Variants in LRRC3C observed in about 807,000 individuals in gnomAD.
LRRC3C encodes leucine rich repeat containing 3C.
A neutral mutation model predicts 14.8 loss-of-function variants in LRRC3C; 11 were observed. The ratio of observed to expected loss-of-function variants is 0.74; its 90% CI spans 0.47 to 1.23. LRRC3C has a LOEUF of 1.23. Ranked by LOEUF, LRRC3C falls within the 50% of genes most tolerant of loss-of-function variation. The pLI is 0.00. For synonymous variants in LRRC3C, 149 were observed against 161.5 expected (o/e 0.92, Z 0.59); for missense variants, 354 against 361.8 (o/e 0.98, Z 0.18).
chr17:39,940,124 T>G (rs2045058946), intron 2 of LRRC3C, among the ~76,000 whole-genome samples: 1 of 152,208 alleles, frequency 6.6e-6, no homozygotes, highest in Admixed American at 6.5e-5. Flanking sequence ...CCTGCCTAAG[T>G]GTAGAAAGTT....
At chr17:39,930,396 T>TAAAAA in intron 1 of LRRC3C, among the ~76,000 whole-genome samples, 1 of 48,590 alleles carries the variant, frequency 2.1e-5, no homozygotes, top group Non-Finnish European at 4.2e-5. Flanking sequence ...AAACTGACTT[T>TAAAAA]AAAAAAAAAA....
chr17:39,941,405 AC>A lies in LRRC3C; in HGVS notation c.-81-31del, dbSNP rs757225236. 44 of 504,370 alleles carry A rather than the reference AC, an allele frequency of 8.7e-5. No homozygotes were observed. In the East Asian group the frequency reaches 1.4e-3, roughly 16 times the overall value. 31.2% of individuals were successfully genotyped at this position (504,370 alleles called of 1,614,324 possible). On this transcript the variant is annotated intron_variant, in intron 2 of 3. Coordinates refer to ENST00000377924, the MANE Select transcript of LRRC3C (RefSeq NM_001195545.2). ...TCTTAACAGGTTTTTGAAACAAGGG[AC>A]CCCCCCACACACACCCCATTTTTAT... is the stretch of plus-strand genomic sequence containing the variant.
intron 1 of LRRC3C, among the ~76,000 whole-genome samples, chr17:39,928,556 G>A (rs1978554227): frequency 1.3e-5 from 2 of 152,206 alleles, no homozygotes; most frequent in African/African-American, 4.8e-5. Flanking sequence ...GGCTCTTGAG[G>A]TCTCCTCGGT....
In LRRC3C at chr17:39,944,126, C is replaced by G. The variant is rs1330176533; in HGVS notation, c.220C>G (p.Pro74Ala). ...RCSQAGLSAV[P>A]SGIPNDTRKL... ...CAGCCAGGCAGGCCTCAGTGCTGTG[C>G]CCTCCGGCATCCCCAATGACACCCG... The change falls in exon 4 of 4, where the codon CCC (proline) becomes GCC (alanine). Residue 74 changes from proline (P) to alanine (A), a missense_variant. By Grantham distance (27) the Pro-to-Ala change is conservative. Coordinates refer to ENST00000377924, the MANE Select transcript of LRRC3C (RefSeq NM_001195545.2). 1 of 1,536,086 alleles carries G rather than the reference C, an allele frequency of 6.5e-7. No individual in the cohort carries two copies. Among genetic ancestry groups the G allele is most frequent in the African/African-American group, 1.4e-5 (1 of 73,046 alleles).
intron 1 of LRRC3C, among the ~76,000 whole-genome samples, chr17:39,931,745 G>A (rs540762991): frequency 5.8e-4 from 64 of 109,412 alleles, no homozygotes; most frequent in African/African-American, 2.1e-3. Flanking sequence ...CGCCTCCCTA[G>A]TTCAAGAGAT....
chr17:39,937,497 G>A (rs1351291051), intron 2 of LRRC3C, among the ~76,000 whole-genome samples: 2 of 151,040 alleles, frequency 1.3e-5, no homozygotes, highest in African/African-American at 2.4e-5. Context: ...CATAAGCCAC[G>A]GAATCAAGTC....
At chr17:39,941,399 C>G in intron 2 of LRRC3C, 44 bp from the exon 3 acceptor site, 2 of 394,066 alleles carry the variant, frequency 5.1e-6, no homozygotes, top group South Asian at 4.7e-5. Context: ...GTTTTTGAAA[C>G]AAGGGACCCC....
At position 39,942,028 on chromosome 17, in the gene LRRC3C, T is replaced by C. The variant is rs537594825; in HGVS notation, c.26+479T>C. 3.9e-5 allele frequency among the ~76,000 whole-genome samples: 6 copies of C among 152,258 alleles called. No individual in the cohort carries two copies. The East Asian group carries it at 1.2e-3, about 29-fold the overall frequency. On this transcript the variant is annotated intron_variant, in intron 3 of 3. Transcript: ENST00000377924. ...AGCCACCATGGGCTAAGGAATGAGA[T>C]GGGTCATCCACATGGATCACATCTA...
At chr17:39,929,960 TGA>T (rs1480359614) in intron 1 of LRRC3C, among the ~76,000 whole-genome samples, 1 of 152,006 alleles carries the variant, frequency 6.6e-6, no homozygotes, top group Non-Finnish European at 1.5e-5. Context: ...AAGTCTAGAA[TGA>T]AGAAAATTAG....
At chr17:39,940,449 G>A (rs1471023192) in intron 2 of LRRC3C, among the ~76,000 whole-genome samples, 1 of 152,066 alleles carries the variant, frequency 6.6e-6, no homozygotes, top group Non-Finnish European at 1.5e-5. Context: ...GTCGCACTCT[G>A]TCACCCAGGC....
chr17:39,934,310 A>G (rs1848383399), intron 1 of LRRC3C, among the ~76,000 whole-genome samples: 1 of 152,200 alleles, frequency 6.6e-6, no homozygotes, highest in Admixed American at 6.5e-5. Flanking sequence ...GAAAACTGAA[A>G]ATATTTCAGA....
At position 39,927,760 on chromosome 17, in the gene LRRC3C, G is replaced by T. The variant is rs1978521136; in HGVS notation, c.-229G>T. 1.0e-6 allele frequency: 1 copy of T among 985,476 alleles called. No individual in the cohort carries two copies. The highest frequency in any genetic ancestry group is 1.2e-6 in the Non-Finnish European group (1 of 829,972). 61.0% of individuals were successfully genotyped at this position (985,476 alleles called of 1,614,324 possible). On this transcript the variant is annotated 5_prime_UTR_variant, in exon 1 of 4. Coordinates refer to ENST00000377924, the MANE Select transcript of LRRC3C (RefSeq NM_001195545.2). ...CTCCGTTCCCGGCCTCTTCGGGGAC[G>T]CACGGTTGGAAGTTGTACCGTGACG...
intron 1 of LRRC3C, among the ~76,000 whole-genome samples, chr17:39,928,416 T>G (rs1400715235): frequency 1.3e-5 from 2 of 152,204 alleles, no homozygotes; most frequent in Non-Finnish European, 2.9e-5. Context: ...GCAAATTACT[T>G]GTCTTAATCT....
At position 39,944,612 on chromosome 17, in the gene LRRC3C, A is replaced by T; in HGVS notation, c.706A>T (p.Met236Leu). The T allele has an allele frequency of 6.5e-7, 1 of 1,535,830 alleles. No homozygotes were observed. The highest frequency in any genetic ancestry group is 8.7e-7 in the Non-Finnish European group (1 of 1,146,818). Residue 236 changes from methionine to leucine, a missense_variant, in exon 4 of 4, where the codon ATG (methionine) becomes TTG (leucine). By Grantham distance (15) the Met-to-Leu change is conservative. Coordinates refer to ENST00000377924, the MANE Select transcript of LRRC3C (RefSeq NM_001195545.2). ...LVTMGGWLTL[M>L]VAYLVHYVWQ... ...CACCATGGGGGGCTGGCTGACACTC[A>T]TGGTGGCTTATCTGGTGCATTATGT...
chr17:39,928,123 A>C (rs1978538777), intron 1 of LRRC3C, among the ~76,000 whole-genome samples: 1 of 152,154 alleles, frequency 6.6e-6, no homozygotes, highest in African/African-American at 2.4e-5. Flanking sequence ...AGGGCCCGGA[A>C]CGGAGCCTGC....
At chr17:39,942,743 C>T (rs1260161694) in intron 3 of LRRC3C, among the ~76,000 whole-genome samples, 1 of 152,114 alleles carries the variant, frequency 6.6e-6, no homozygotes, top group Non-Finnish European at 1.5e-5. Context: ...GTTTGCTCAC[C>T]GTGGAAGAAG....
intron 1 of LRRC3C, among the ~76,000 whole-genome samples, chr17:39,931,297 T>C (rs1169486533): frequency 6.7e-6 from 1 of 150,128 alleles, no homozygotes; most frequent in Admixed American, 6.6e-5. Flanking sequence ...TAGAAAAAAA[T>C]TAGCCAGGCA....
At chr17:39,942,485 T>C (rs1005417512) in intron 3 of LRRC3C, among the ~76,000 whole-genome samples, 9 of 152,050 alleles carry the variant, frequency 5.9e-5, no homozygotes, top group African/African-American at 2.2e-4. Flanking sequence ...TCTAGCAAAC[T>C]GAGAGAACCT....
intron 1 of LRRC3C, among the ~76,000 whole-genome samples, chr17:39,934,457 A>AAGGCCT (rs1314968304): frequency 6.6e-6 from 1 of 152,142 alleles, no homozygotes; most frequent in Non-Finnish European, 1.5e-5. Flanking sequence ...TCTTCTGCCT[A>AAGGCCT]AGGCCAGCTC....
Sources: allele counts gnomAD v4.1 joint callset (sites outside exome capture counted in the v4.1 genomes callset), GRCh38; gene constraint gnomAD v4.1.1; transcripts MANE v1.5; gene names NCBI Gene and HGNC (gene_info 2026-07-23, HGNC 2026-07-21).